Variants in CEP104 observed in about 807,000 individuals in gnomAD.
The protein encoded by CEP104 is centrosomal protein of 104 kDa.
CEP104 carries 84 observed loss-of-function variants against 113.3 expected under a neutral mutation model. The ratio of observed to expected loss-of-function variants is 0.74; its 90% CI spans 0.62 to 0.89. The LOEUF is 0.89. Among genes scored for constraint, CEP104 ranks in the 40% least tolerant of loss-of-function variants. CEP104 has a pLI of 0.00. For missense variants in CEP104, 1,053 were observed against 1,156.6 expected, an observed-to-expected ratio of 0.91 and a Z score of 1.30; for synonymous variants, 378 against 421.7, an observed-to-expected ratio of 0.90 and a Z score of 1.27.
Position 3,835,044 on chromosome 1 carries a change from G to C in CEP104, c.1366C>G (p.Leu456Val), listed in dbSNP as rs1167405316. 15 of 1,614,070 alleles carry C rather than the reference G, an allele frequency of 9.3e-6. No individual in the cohort carries two copies. The highest frequency in any genetic ancestry group is 1.3e-5 in the Non-Finnish European group (15 of 1,179,984). ...TCCATTAACTTCTTAGACAAGGCAAGCAGTGCATCCTCTCGGTAGGACCAC... is the reference window on the plus strand; with the variant it reads ...TCCATTAACTTCTTAGACAAGGCAACCAGTGCATCCTCTCGGTAGGACCAC... ...KTWSYREDAL[L>V]ALSKKLMEMP... The change falls in exon 11 of 22, where the codon CTT becomes GTT. Residue 456 changes from leucine to valine, a missense_variant. Transcript: ENST00000378230.
At chr1:3,816,768 G>A (rs1643887282) in intron 20 of CEP104, among the ~76,000 whole-genome samples, 1 of 152,264 alleles carries the variant, frequency 6.6e-6, no homozygotes, top group African/African-American at 2.4e-5. Context: ...CCGCCAGCCT[G>A]CTGCCCACGG....
In CEP104 at chr1:3,836,480, T is replaced by G. The variant is rs1407518760; in HGVS notation, c.1317+15A>C. On this transcript the variant is annotated intron_variant, in intron 10 of 21. Transcript: ENST00000378230. ...CCTCTGCCACCCCGTTTTTTTTTTT[T>G]TTTTTTTTTTTTACCAAGGTTTCTC... is the stretch of plus-strand genomic sequence containing the variant. The G allele has an allele frequency of 5.4e-6, 8 of 1,473,190 alleles. No individual in the cohort carries two copies. Among genetic ancestry groups the G allele is most frequent in the South Asian group, 2.8e-5 (2 of 70,684 alleles). The allele number at this position is 1,473,190 out of a possible 1,614,324, so 91.3% of individuals were successfully genotyped here. A position where few individuals can be genotyped will look rare whatever the true frequency, so the allele number is the denominator to read the frequency against.
intron 8 of CEP104, among the ~76,000 whole-genome samples, chr1:3,838,756 C>A (rs966352885): frequency 7.9e-5 from 12 of 152,202 alleles, no homozygotes; most frequent in Non-Finnish European, 1.6e-4. Flanking sequence ...TGTTCCCTTT[C>A]CCACGACTGT....
At chr1:3,848,357 CCT>C (rs1259663358) in intron 3 of CEP104, among the ~76,000 whole-genome samples, 1 of 151,758 alleles carries the variant, frequency 6.6e-6, no homozygotes, top group Non-Finnish European at 1.5e-5. Flanking sequence ...ATGGTGAAAC[CCT>C]GTCTCAACTA....
Position 3,847,562 on chromosome 1 carries a change from T to C in CEP104, c.339A>G (p.Leu113=). ...NEKTGCKARE[L]KSVYVDAVGQ... is the part of the protein sequence containing the mutation. ...CTACTGCATCCACATAAACTGATTTTAGTTCCCGGGCTTTGCAACCTGTCT... is the reference window on the plus strand; with the variant it reads ...CTACTGCATCCACATAAACTGATTTCAGTTCCCGGGCTTTGCAACCTGTCT... Residue 113 remains leucine, a synonymous_variant, in exon 4 of 22, where the codon CTA becomes CTG. Coordinates refer to ENST00000378230, the MANE Select transcript of CEP104 (RefSeq NM_014704.4). 1.9e-6 allele frequency: 3 copies of C among 1,613,922 alleles called. No homozygotes were observed. Among genetic ancestry groups the C allele is most frequent in the African/African-American group, 1.3e-5 (1 of 75,052 alleles).
In CEP104 at chr1:3,823,495, T is replaced by C; in HGVS notation, c.2432A>G (p.Lys811Arg). The change falls in exon 19 of 22, where the codon AAG becomes AGG. Residue 811 changes from lysine to arginine, a missense_variant. Transcript: ENST00000378230. This position sits in a 1 kb window ranked among gnomAD's most constrained non-coding sequence, Gnocchi z 4.1. ...AACAGCCTCACTGCAACGGTAACAC[T>C]TTCCAAACCCGTCTTTTTTGTCACA... The part of the protein sequence containing the change: ...TECDKKDGFG[K>R]CYRCSEAVFK... 1.2e-6 allele frequency: 2 copies of C among 1,614,250 alleles called. No individual in the cohort carries two copies. Among genetic ancestry groups the C allele is most frequent in the South Asian group, 2.2e-5 (2 of 91,088 alleles).
Position 3,815,399 on chromosome 1 carries a change from G to T in CEP104, c.*3C>A. On this transcript the variant is annotated 3_prime_UTR_variant, in exon 22 of 22. Coordinates refer to ENST00000378230, the MANE Select transcript of CEP104 (RefSeq NM_014704.4). ...ACAGAGACCAAGGAGCCCGAGCGCC[G>T]CGTCAGCGCTTGGCGTACGTCCTGC... 6.2e-7 allele frequency: 1 copy of T among 1,603,298 alleles called. No individual in the cohort carries two copies. Among genetic ancestry groups the T allele is most frequent in the East Asian group, 2.2e-5 (1 of 44,784 alleles).
chr1:3,816,284 C>T lies in CEP104; in HGVS notation c.2658G>A (p.Gln886=), dbSNP rs202022682. The T allele has an allele frequency of 3.8e-5, 59 of 1,551,828 alleles. No individual in the cohort carries two copies. The Admixed American group carries it at 1.1e-3, about 29-fold the overall frequency. The change falls in exon 21 of 22, where the codon CAG becomes CAA. Residue 886 remains glutamine (Q), a synonymous_variant. Coordinates refer to ENST00000378230, the MANE Select transcript of CEP104 (RefSeq NM_014704.4). ...CTCAGCGGCGCTGTCCCTCACCTGG[C>T]TGCAGTGCCGGGGCCTTCTGCAGAA... ...THILQKAPAL[Q]PGKSSAVAAS...
At chr1:3,837,804 T>C (rs1257689683) in intron 8 of CEP104, among the ~76,000 whole-genome samples, 3 of 152,242 alleles carry the variant, frequency 2.0e-5, no homozygotes, top group African/African-American at 7.2e-5. Context: ...CATTTGTGCA[T>C]GGAGCATGTC....
chr1:3,851,790 C>CGTGTTAATAA (rs1644615953), intron 2 of CEP104, among the ~76,000 whole-genome samples: 2 of 152,186 alleles, frequency 1.3e-5, no homozygotes, highest in African/African-American at 4.8e-5. Flanking sequence ...GCTGGGACTG[C>CGTGTTAATAA]AGGCGGGAGC....
At chr1:3,828,933 G>C (rs1043038767) in intron 15 of CEP104, among the ~76,000 whole-genome samples, 1 of 152,164 alleles carries the variant, frequency 6.6e-6, no homozygotes, top group South Asian at 2.1e-4. Context: ...TTATAGTCAA[G>C]CTGATTTTTC....
chr1:3,854,833 ACCTCTTGTG>A (rs1384378673), intron 1 of CEP104, among the ~76,000 whole-genome samples: 2 of 140,124 alleles, frequency 1.4e-5, no homozygotes, highest in African/African-American at 5.4e-5. Context: ...CCTTGAAAAT[ACCTCTTGTG>A]CCCAGGCTGT....
At chr1:3,831,333 A>G in intron 12 of CEP104, 111 bp from the exon 13 acceptor site, 2 of 890,686 alleles carry the variant, frequency 2.2e-6, no homozygotes, top group Non-Finnish European at 3.5e-6. Flanking sequence ...AGGGAAATAC[A>G]GATTGATAGT....
At chr1:3,846,028 G>A (rs1050662613) in intron 4 of CEP104, among the ~76,000 whole-genome samples, 2 of 143,088 alleles carry the variant, frequency 1.4e-5, no homozygotes, top group Non-Finnish European at 3.0e-5. Context: ...GCAGTGAGCC[G>A]AGATTGCACC....
intron 12 of CEP104, among the ~76,000 whole-genome samples, chr1:3,832,290 GTAACCAGGAGTGTAT>G (rs1253206678): frequency 2.1e-5 from 3 of 139,998 alleles, no homozygotes; most frequent in African/African-American, 7.9e-5. Context: ...GGAGTGTATT[GTAACCAGGAGTGTAT>G]TGTAGGTCGT....
chr1:3,834,891 C>A (rs1249735861), intron 11 of CEP104, 34 bp downstream of exon 11: 2 of 1,548,780 alleles, frequency 1.3e-6, no homozygotes, highest in Admixed American at 3.9e-5. Context: ...CTCATCCATG[C>A]ACGCTGGAGC....
chr1:3,815,707 G>A (rs1166458673), intron 21 of CEP104, among the ~76,000 whole-genome samples, 190 bp from the exon 22 acceptor site: 2 of 144,436 alleles, frequency 1.4e-5, no homozygotes, highest in East Asian at 4.1e-4. Context: ...TTTTTTTGTT[G>A]AGACAGAGTC....
At chr1:3,828,198 G>A (rs566808756) in intron 15 of CEP104, among the ~76,000 whole-genome samples, 3 of 152,320 alleles carry the variant, frequency 2.0e-5, no homozygotes, top group Admixed American at 2.0e-4. Context: ...CTAGCTCATG[G>A]CTGGAGGGAA....
chr1:3,843,330 A>AG, intron 6 of CEP104: 1 of 556,258 alleles, frequency 1.8e-6, no homozygotes, highest in Non-Finnish European at 3.3e-6. Flanking sequence ...ACTGCTAAAA[A>AG]AAAAAAAAAA....
Sources: gnomAD v4.1 joint callset for allele counts (sites outside exome capture counted in the v4.1 genomes callset) on GRCh38, gnomAD v4.1.1 for gene constraint, Gnocchi (gnomAD v3.1) non-coding constraint, MANE v1.5 for transcripts, NCBI Gene and HGNC (gene_info 2026-07-23, HGNC 2026-07-21) for gene names.